FNDC3B: variants seen among roughly 807,000 people sequenced by gnomAD.
FNDC3B encodes fibronectin type III domain containing 3B.
A neutral mutation model predicts 151.5 loss-of-function variants in FNDC3B; 12 were observed. The observed-to-expected ratio is 0.08, with a 90% CI of 0.05 to 0.13. The LOEUF (loss-of-function observed/expected upper bound fraction) is 0.13. Among genes scored for constraint, FNDC3B ranks in the 10% least tolerant of loss-of-function variants. The probability of loss-of-function intolerance (pLI) is 1.00; values close to 1 mark genes in which losing one functional copy is unlikely to be tolerated. For synonymous variants in FNDC3B, 528 were observed against 549.0 expected (o/e 0.96, Z 0.54); for missense variants, 1,214 against 1,505.3 (o/e 0.81, Z 3.20).
intron 3 of FNDC3B, among the ~76,000 whole-genome samples, chr3:172,190,612 A>G (rs1576781517): frequency 1.3e-5 from 2 of 152,310 alleles, no homozygotes; most frequent in African/African-American, 4.8e-5. Flanking sequence ...GGGGTTTATG[A>G]TTAAATATTC....
chr3:172,140,683 G>A (rs981448561), intron 3 of FNDC3B, among the ~76,000 whole-genome samples: 9 of 152,180 alleles, frequency 5.9e-5, no homozygotes, highest in Non-Finnish European at 1.0e-4. Flanking sequence ...GTGATTGTAC[G>A]TGCAACTGTC....
At chr3:172,041,169 C>T (rs1716026695) in intron 1 of FNDC3B, among the ~76,000 whole-genome samples, 1 of 152,096 alleles carries the variant, frequency 6.6e-6, no homozygotes, top group Admixed American at 6.5e-5. Context: ...GGTTTCTAGT[C>T]CCCCCTCCCC....
chr3:172,213,977 C>A (rs1725851314), intron 3 of FNDC3B, among the ~76,000 whole-genome samples: 1 of 144,032 alleles, frequency 6.9e-6, no homozygotes. Flanking sequence ...TCTGTGGAGG[C>A]AATGTGCCAA....
In FNDC3B at chr3:172,247,637, C is replaced by T. The variant is rs1727847549; in HGVS notation, c.369C>T (p.Leu123=). 6.2e-7 allele frequency: 1 copy of T among 1,613,996 alleles called. No individual in the cohort carries two copies. The highest frequency in any genetic ancestry group is 1.1e-5 in the South Asian group (1 of 91,090). Residue 123 remains leucine, a synonymous_variant, in exon 5 of 26, where the codon CTC becomes CTT. Coordinates refer to ENST00000415807, the MANE Select transcript of FNDC3B (RefSeq NM_022763.4). ...CAGCCATGTCTCCAACCCATCATCT[C>T]CCTCCCTATCTGACTCACCATCCAC... The part of the protein sequence containing the change: ...YPSAMSPTHH[L]PPYLTHHPHF...
chr3:172,134,543 T>G (rs538147144), intron 3 of FNDC3B, among the ~76,000 whole-genome samples: 111 of 152,320 alleles, frequency 7.3e-4, no homozygotes, highest in African/African-American at 2.6e-3. Flanking sequence ...GGAAATGCCC[T>G]TTAGTTTCGG....
chr3:172,211,280 T>C (rs1725720693), intron 3 of FNDC3B, among the ~76,000 whole-genome samples: 1 of 152,186 alleles, frequency 6.6e-6, no homozygotes, highest in Admixed American at 6.5e-5. Context: ...ATGACCTTCT[T>C]CAGATTTGAA....
At chr3:172,069,388 C>T (rs1717657987) in intron 1 of FNDC3B, among the ~76,000 whole-genome samples, 1 of 152,184 alleles carries the variant, frequency 6.6e-6, no homozygotes, top group Non-Finnish European at 1.5e-5. Flanking sequence ...TTTTACGTGG[C>T]TAGAGCCACT....
Position 172,293,378 on chromosome 3 carries a change from T to C in FNDC3B, c.850-1985T>C, listed in dbSNP as rs1015656107. On this transcript the variant is annotated intron_variant, in intron 7 of 25. Coordinates refer to ENST00000415807, the MANE Select transcript of FNDC3B (RefSeq NM_022763.4). ...TAGTCTGGAGCTATAGCAGTCTTCC[T>C]CAGATGTTTTAAAGAGATGTGTAAT... Among the ~76,000 whole-genome samples the C allele has an allele frequency of 5.3e-5, 8 of 152,170 alleles. 1 individual carries two copies. The highest frequency in any genetic ancestry group is 3.3e-4 in the Admixed American group (5 of 15,280).
chr3:172,251,045 C>G (rs1215616052), intron 5 of FNDC3B, among the ~76,000 whole-genome samples: 1 of 152,050 alleles, frequency 6.6e-6, no homozygotes, highest in Admixed American at 6.6e-5. Context: ...TTCGAACTCC[C>G]AAGCTCAGAC....
At chr3:172,050,608 T>C (rs1716593176) in intron 1 of FNDC3B, among the ~76,000 whole-genome samples, 1 of 152,010 alleles carries the variant, frequency 6.6e-6, no homozygotes, top group African/African-American at 2.4e-5. Flanking sequence ...GGTCTTGAAC[T>C]CCCAACCTCA....
At chr3:172,057,227 G>T (rs1716958161) in intron 1 of FNDC3B, among the ~76,000 whole-genome samples, 1 of 152,212 alleles carries the variant, frequency 6.6e-6, no homozygotes, top group African/African-American at 2.4e-5. Context: ...GGATGCAGCT[G>T]TTGGGCTCCC....
At chr3:172,052,487 G>A (rs1466265784) in intron 1 of FNDC3B, among the ~76,000 whole-genome samples, 1 of 152,190 alleles carries the variant, frequency 6.6e-6, no homozygotes, top group Non-Finnish European at 1.5e-5. Flanking sequence ...TGAAAGAGTT[G>A]ATTCTGTCCA....
At chr3:172,263,601 T>G (rs1019315571) in intron 6 of FNDC3B, among the ~76,000 whole-genome samples, 4 of 137,026 alleles carry the variant, frequency 2.9e-5, no homozygotes, top group African/African-American at 5.1e-5. Flanking sequence ...TTTTTTTTTT[T>G]TTTTTTTTTT....
At chr3:172,111,859 A>G (rs1168595878) in intron 1 of FNDC3B, among the ~76,000 whole-genome samples, 1 of 152,156 alleles carries the variant, frequency 6.6e-6, no homozygotes, top group African/African-American at 2.4e-5. Context: ...ACTGCGAGCT[A>G]TATGGCAATT....
At chr3:172,191,994 A>G (rs565507854) in intron 3 of FNDC3B, among the ~76,000 whole-genome samples, 16 of 152,254 alleles carry the variant, frequency 1.1e-4, no homozygotes, top group East Asian at 3.9e-4. Flanking sequence ...TATGTGGTAC[A>G]TATGTTACCA....
intron 1 of FNDC3B, among the ~76,000 whole-genome samples, chr3:172,093,890 G>C (rs563303988): frequency 6.6e-6 from 1 of 152,280 alleles, no homozygotes; most frequent in African/African-American, 2.4e-5. Flanking sequence ...TGAGGACTCT[G>C]GATTTTTAAA....
At chr3:172,327,572 G>A (rs1429579772) in intron 11 of FNDC3B, among the ~76,000 whole-genome samples, 4 of 152,096 alleles carry the variant, frequency 2.6e-5, no homozygotes, top group Non-Finnish European at 5.9e-5. Flanking sequence ...GGCTAATTTT[G>A]TTTTTGTATT....
intron 3 of FNDC3B, among the ~76,000 whole-genome samples, chr3:172,161,497 A>G (rs1164774892): frequency 6.6e-6 from 1 of 152,208 alleles, no homozygotes; most frequent in Non-Finnish European, 1.5e-5. Context: ...ATCAAAACCT[A>G]TTGATTACCA....
intron 25 of FNDC3B, among the ~76,000 whole-genome samples, chr3:172,382,290 A>C (rs1431648380): frequency 1.3e-5 from 2 of 152,116 alleles, no homozygotes; most frequent in African/African-American, 4.8e-5. Flanking sequence ...GTGTCTGTTC[A>C]TATCCTTCAC....
Sources: allele counts gnomAD v4.1 joint callset (sites outside exome capture counted in the v4.1 genomes callset), GRCh38; gene constraint gnomAD v4.1.1; transcripts MANE v1.5; gene names NCBI Gene and HGNC (gene_info 2026-07-23, HGNC 2026-07-21).